The following ABR variants were observed in gnomAD, a reference collection of about 807,000 sequenced individuals.
ABR encodes ABR activator of RhoGEF and GTPase, also known as active breakpoint cluster region-related protein.
In ABR, 35 loss-of-function variants were observed where a neutral mutation model predicts 107.2. That is an observed-to-expected ratio of 0.33 (90% CI 0.25 to 0.43). ABR has a LOEUF of 0.43. Among genes scored for constraint, ABR ranks in the 20% least tolerant of loss-of-function variants. The probability of loss-of-function intolerance (pLI) is 1.00; values close to 1 mark genes in which losing one functional copy is unlikely to be tolerated. For synonymous variants in ABR, 498 were observed against 462.0 expected (o/e 1.08, Z -1.00); for missense variants, 815 against 1,115.2 (o/e 0.73, Z 3.83).
intron 1 of ABR, among the ~76,000 whole-genome samples, chr17:1,213,597 T>A (rs1315356097): frequency 1.3e-5 from 2 of 152,250 alleles, no homozygotes; most frequent in African/African-American, 4.8e-5. Flanking sequence ...TTCACCATGT[T>A]GGTCAGGCTG....
rs113443687 is a variant in ABR at position 1,032,660 on chromosome 17, G to A, written c.1791+17390C>T. On this transcript the variant is annotated intron_variant, in intron 16 of 22. Coordinates refer to ENST00000302538, the MANE Select transcript of ABR (RefSeq NM_021962.5). ...GCAACCACCCGTGTCCGTGCTGGGC[G>A]CCTTGAGAGAGAGAAGAACTTGTTC... Among the ~76,000 whole-genome samples the A allele has an allele frequency of 8.8e-3, 1,314 of 149,172 alleles. 58 individuals are homozygous for A. Among genetic ancestry groups the A allele is most frequent in the African/African-American group, 0.03 (1,239 of 40,698 alleles).
rs1303383815 is a variant in ABR at position 1,165,553 on chromosome 17, C to T, written c.61+14114G>A. Among the ~76,000 whole-genome samples, 4 of 152,112 alleles carry T rather than the reference C, an allele frequency of 2.6e-5. No homozygotes were observed. The East Asian group carries it at 7.7e-4, about 29-fold the overall frequency. ...CTTTCTTTTTTTCTTTTTTCTGAGA[C>T]GAAGTTGTGCTCTTGTTGCCCAGGC... is the stretch of plus-strand genomic sequence containing the variant. On this transcript the variant is annotated intron_variant, in intron 1 of 22. Transcript: ENST00000302538.
chr17:1,015,854 G>T (rs940906601), intron 16 of ABR, among the ~76,000 whole-genome samples: 1 of 152,258 alleles, frequency 6.6e-6, no homozygotes, highest in African/African-American at 2.4e-5. Flanking sequence ...TTTAGTTCGC[G>T]TATCTATAGG....
In ABR at chr17:1,013,176, G is replaced by GA. The variant is rs2070782063; in HGVS notation, c.1792-13dup. On this transcript the variant is annotated splice_polypyrimidine_tract_variant and intron_variant, in intron 16 of 22. Coordinates refer to ENST00000302538, the MANE Select transcript of ABR (RefSeq NM_021962.5). The stretch of plus-strand genomic sequence containing the variant: ...GTTTGTGGGTCCAGCTGCAGAGAGA[G>GA]AATGTGGGTGAGAGAGGTGCCAGCT... 1 of 1,613,830 alleles carries GA rather than the reference G, an allele frequency of 6.2e-7. No individual in the cohort carries two copies. Among genetic ancestry groups the GA allele is most frequent in the African/African-American group, 1.3e-5 (1 of 74,936 alleles).
chr17:1,137,027 CTT>C (rs199987085), intron 1 of ABR, among the ~76,000 whole-genome samples: 77,839 of 128,356 alleles, frequency 0.61, 20,780 homozygotes, highest in African/African-American at 0.68. Context: ...CTCTCTCTCT[CTT>C]TCTCTCTTCC....
intron 16 of ABR, among the ~76,000 whole-genome samples, chr17:1,042,833 G>C (rs549284029): frequency 4.6e-5 from 7 of 152,156 alleles, no homozygotes; most frequent in Admixed American, 1.3e-4. Flanking sequence ...ACGGACGGAC[G>C]GGCAGATAAA....
intron 1 of ABR, among the ~76,000 whole-genome samples, chr17:1,223,166 C>T: frequency 6.6e-6 from 1 of 151,796 alleles, no homozygotes; most frequent in Non-Finnish European, 1.5e-5. Flanking sequence ...CTTGCCATTA[C>T]ACACCAGCCG....
intron 4 of ABR, among the ~76,000 whole-genome samples, chr17:1,085,545 G>A (rs1223973313): frequency 2.6e-5 from 4 of 152,168 alleles, no homozygotes; most frequent in Non-Finnish European, 5.9e-5. Flanking sequence ...AGTGTGGATA[G>A]GCACAGCCCA....
rs776904741 is a variant in ABR at position 1,125,413 on chromosome 17, C to T, written c.62-46G>A. The stretch of plus-strand genomic sequence containing the variant: ...GGCCACTGAGAATCCTCCACCAGAG[C>T]TGCCAGGGACTGGTAGCGTAGTGGG... On this transcript the variant is annotated intron_variant, in intron 1 of 22. Transcript: ENST00000302538. 5.6e-6 allele frequency: 9 copies of T among 1,603,208 alleles called. No homozygotes were observed. The African/African-American group carries it at 8.0e-5, about 14-fold the overall frequency.
intron 4 of ABR, among the ~76,000 whole-genome samples, chr17:1,088,059 C>A (rs1334539994): frequency 6.6e-6 from 1 of 152,176 alleles, no homozygotes; most frequent in Non-Finnish European, 1.5e-5. Context: ...GAAAATAAAC[C>A]ACCTCCGGAT....
intron 1 of ABR, among the ~76,000 whole-genome samples, chr17:1,225,568 C>G (rs2043198270): frequency 6.6e-6 from 1 of 151,806 alleles, no homozygotes; most frequent in Admixed American, 6.6e-5. Context: ...AGGAGAATCA[C>G]TTGAACCCAG....
intron 18 of ABR, chr17:1,012,376 G>T (rs543590260): frequency 1.5e-6 from 1 of 655,898 alleles, no homozygotes; most frequent in Non-Finnish European, 2.8e-6. Flanking sequence ...CCGAGGGGCC[G>T]CCAGTCCCCG....
intron 3 of ABR, among the ~76,000 whole-genome samples, chr17:1,098,065 GTTTTC>G (rs1206601459): frequency 3.3e-5 from 5 of 150,664 alleles, no homozygotes; most frequent in South Asian, 4.3e-4. Context: ...AAAGCCAGCA[GTTTTC>G]TTTTCTTTTT....
chr17:1,204,067 C>A (rs895614553), intron 1 of ABR, among the ~76,000 whole-genome samples: 3 of 152,250 alleles, frequency 2.0e-5, no homozygotes, highest in Admixed American at 2.0e-4. Context: ...GCCTCTCCCT[C>A]ATCTCGGCCT....
At chr17:1,101,968 C>T (rs554965459) in intron 2 of ABR, among the ~76,000 whole-genome samples, 26 of 152,060 alleles carry the variant, frequency 1.7e-4, no homozygotes, top group South Asian at 1.0e-3. Context: ...CTCCTGACCT[C>T]GTGATCCGCC....
chr17:1,187,654 C>G (rs575263449), upstream of ABR, among the ~76,000 whole-genome samples: 2 of 152,160 alleles, frequency 1.3e-5, no homozygotes, highest in Non-Finnish European at 2.9e-5. Flanking sequence ...CTTTGGGAGG[C>G]CAGTGTGGGC....
intron 1 of ABR, among the ~76,000 whole-genome samples, chr17:1,176,172 T>C (rs2041913032): frequency 6.6e-6 from 1 of 150,782 alleles, no homozygotes; most frequent in Admixed American, 6.6e-5. Flanking sequence ...GCCACCAGCC[T>C]CAGTGGGTTC....
At chr17:1,142,924 C>G (rs554298786) in intron 1 of ABR, among the ~76,000 whole-genome samples, 5 of 152,214 alleles carry the variant, frequency 3.3e-5, no homozygotes, top group Admixed American at 3.3e-4. Flanking sequence ...AACTGGAGGC[C>G]GGGCAGAGGC....
At chr17:1,181,388 C>G (rs1309169162), upstream of ABR, among the ~76,000 whole-genome samples, 2 of 152,060 alleles carry the variant, frequency 1.3e-5, no homozygotes, top group Non-Finnish European at 2.9e-5. Context: ...GGTGGGGAAG[C>G]CTCTACAGGT....
Sources: allele counts gnomAD v4.1 joint callset (sites outside exome capture counted in the v4.1 genomes callset), GRCh38; gene constraint gnomAD v4.1.1; transcripts MANE v1.5; gene names NCBI Gene and HGNC (gene_info 2026-07-23, HGNC 2026-07-21).